CNTNAP2: variants seen among roughly 807,000 people sequenced by gnomAD.
CNTNAP2 encodes the protein contactin associated protein 2.
CNTNAP2 carries 98 observed loss-of-function variants against 155.2 expected under a neutral mutation model. The observed-to-expected ratio is 0.63, with a 90% CI of 0.54 to 0.75. The LOEUF (loss-of-function observed/expected upper bound fraction) is 0.75. Among genes scored for constraint, CNTNAP2 ranks in the 30% least tolerant of loss-of-function variants. The pLI is 0.00. For missense variants in CNTNAP2, 1,727 were observed against 1,688.1 expected, an observed-to-expected ratio of 1.02 and a Z score of -0.40; for synonymous variants, 651 against 631.2, an observed-to-expected ratio of 1.03 and a Z score of -0.47.
At chr7:146,339,596 A>G (rs1801338567) in intron 1 of CNTNAP2, among the ~76,000 whole-genome samples, 1 of 152,180 alleles carries the variant, frequency 6.6e-6, no homozygotes, top group African/African-American at 2.4e-5. Flanking sequence ...GGTTATACCA[A>G]GTTTTTTGTA....
intron 13 of CNTNAP2, among the ~76,000 whole-genome samples, chr7:147,658,257 A>ATC (rs1795557681): frequency 1.4e-4 from 1 of 7,148 alleles, no homozygotes; most frequent in Admixed American, 2.0e-3. Flanking sequence ...ACTCCGTCCC[A>ATC]AAAAAAAAAA....
chr7:146,475,227 G>T (rs1796860898), intron 1 of CNTNAP2, among the ~76,000 whole-genome samples: 1 of 152,140 alleles, frequency 6.6e-6, no homozygotes, highest in Non-Finnish European at 1.5e-5. Flanking sequence ...TTCTTAGCTT[G>T]CTGGGTTCAG....
intron 21 of CNTNAP2, among the ~76,000 whole-genome samples, chr7:148,328,735 C>CACTGTG (rs1387165005): frequency 6.6e-6 from 1 of 151,666 alleles, no homozygotes; most frequent in Non-Finnish European, 1.5e-5. Flanking sequence ...TGTGGGAGGC[C>CACTGTG]GAGGCGGGTG....
chr7:147,072,038 G>A lies in CNTNAP2; in HGVS notation c.550+27984G>A, dbSNP rs574360398. Among the ~76,000 whole-genome samples, 125 of 152,258 alleles carry A rather than the reference G, an allele frequency of 8.2e-4. 5 individuals are homozygous for A. In the South Asian group the frequency reaches 0.023, roughly 28 times the overall value. ...GCACCTGTACTCATCCTGGAGGATG[G>A]TAGTGCTCTCAAGGTAATAGAAGCC... On this transcript the variant is annotated intron_variant, in intron 4 of 23. Transcript: ENST00000361727.
intron 19 of CNTNAP2, among the ~76,000 whole-genome samples, chr7:148,221,601 G>T (rs1383656091): frequency 6.6e-6 from 1 of 152,140 alleles, no homozygotes; most frequent in African/African-American, 2.4e-5. Flanking sequence ...GAAAAAAAAG[G>T]AAATCATTAG....
intron 1 of CNTNAP2, among the ~76,000 whole-genome samples, chr7:146,444,866 A>G (rs1724475): frequency 0.035 from 5,374 of 151,804 alleles, 342 homozygotes; most frequent in African/African-American, 0.12. Context: ...CATGTTGGCC[A>G]GGCTGGTCTC....
At chr7:147,187,097 G>T (rs1802581768) in intron 8 of CNTNAP2, among the ~76,000 whole-genome samples, 1 of 152,154 alleles carries the variant, frequency 6.6e-6, no homozygotes, top group Admixed American at 6.6e-5. Flanking sequence ...TGTCAGTGAT[G>T]GTGAAGCTGT....
chr7:147,770,476 G>A (rs576343489), intron 13 of CNTNAP2, among the ~76,000 whole-genome samples: 5 of 152,224 alleles, frequency 3.3e-5, no homozygotes, highest in East Asian at 3.9e-4. Flanking sequence ...CGCTAATGGC[G>A]ATAAAGAGTA....
intron 1 of CNTNAP2, among the ~76,000 whole-genome samples, chr7:146,626,822 C>T (rs945445699): frequency 3.9e-5 from 6 of 152,054 alleles, no homozygotes; most frequent in African/African-American, 1.2e-4. Flanking sequence ...GTGTACTTCA[C>T]CCCATTTAAC....
chr7:146,479,433 T>C (rs774218317), intron 1 of CNTNAP2, among the ~76,000 whole-genome samples: 15 of 152,198 alleles, frequency 9.9e-5, no homozygotes, highest in Admixed American at 7.9e-4. Context: ...AATTCAGGTG[T>C]CTTTCATATT....
rs115604181 is a variant in CNTNAP2, at chr7:146,478,520, G to A, written c.98-295751G>A. 4.2e-3 allele frequency among the ~76,000 whole-genome samples: 636 copies of A among 151,958 alleles called. 9 individuals are homozygous for A. Among genetic ancestry groups the A allele is most frequent in the African/African-American group, 0.014 (595 of 41,440 alleles). ...GATCTAGGTATTAACCCCACATGTGGAAAGATAGGTTAATTTGACTAAATA... is the reference window on the plus strand; with the variant it reads ...GATCTAGGTATTAACCCCACATGTGAAAAGATAGGTTAATTTGACTAAATA... On this transcript the variant is annotated intron_variant, in intron 1 of 23. Transcript: ENST00000361727.
intron 3 of CNTNAP2, among the ~76,000 whole-genome samples, chr7:147,028,941 T>A (rs1798973445): frequency 1.3e-5 from 2 of 149,016 alleles, no homozygotes; most frequent in Admixed American, 1.3e-4. Flanking sequence ...AATAGACATA[T>A]GCAAAATAAG....
intron 1 of CNTNAP2, among the ~76,000 whole-genome samples, chr7:146,527,668 G>A (rs1797710777): frequency 6.6e-6 from 1 of 151,954 alleles, no homozygotes; most frequent in Admixed American, 6.6e-5. Context: ...CAGAATCCAT[G>A]TAGGAAATAG....
chr7:148,262,164 T>C (rs907738656), intron 20 of CNTNAP2, among the ~76,000 whole-genome samples: 1 of 152,074 alleles, frequency 6.6e-6, no homozygotes, highest in Non-Finnish European at 1.5e-5. Context: ...AGGAAGCAGG[T>C]GTCTCTAATC....
At chr7:148,112,098 A>C (rs1804364955) in intron 15 of CNTNAP2, among the ~76,000 whole-genome samples, 1 of 152,204 alleles carries the variant, frequency 6.6e-6, no homozygotes, top group Admixed American at 6.5e-5. Context: ...TCCAGGGGAC[A>C]AAAACGTGAC....
intron 14 of CNTNAP2, among the ~76,000 whole-genome samples, chr7:147,957,931 C>T (rs1801048425): frequency 6.6e-6 from 1 of 152,022 alleles, no homozygotes; most frequent in South Asian, 2.1e-4. Context: ...AAAAATTAGC[C>T]AGGTGTGGTG....
In CNTNAP2 at chr7:147,765,617, A is replaced by G. The variant is rs561698433; in HGVS notation, c.2098+126311A>G. 7.2e-5 allele frequency among the ~76,000 whole-genome samples: 11 copies of G among 152,272 alleles called. No homozygotes were observed. In the East Asian group the frequency reaches 1.9e-3, roughly 27 times the overall value. On this transcript the variant is annotated intron_variant, in intron 13 of 23. Coordinates refer to ENST00000361727, the MANE Select transcript of CNTNAP2 (RefSeq NM_014141.6). ...CAGGGTGAGAAATAGCGAGTTATAC[A>G]TCGCCGTTTGGGATGTAAAATGTTA...
rs186269462 is a variant in CNTNAP2, at chr7:147,061,295, A to T, written c.550+17241A>T. Among the ~76,000 whole-genome samples the T allele has an allele frequency of 5.4e-3, 818 of 152,364 alleles. 12 individuals are homozygous for T. Among genetic ancestry groups the T allele is most frequent in the Middle Eastern group, 0.02 (6 of 294 alleles). ...GTTTTTACCATTGTAAAATAAAATT[A>T]AAAAAATGATTAGTCAAAATTGTGA... On this transcript the variant is annotated intron_variant, in intron 4 of 23. Coordinates refer to ENST00000361727, the MANE Select transcript of CNTNAP2 (RefSeq NM_014141.6).
intron 11 of CNTNAP2, among the ~76,000 whole-genome samples, chr7:147,558,194 A>G (rs796152583): frequency 2.6e-4 from 39 of 152,274 alleles, no homozygotes; most frequent in African/African-American, 9.4e-4. Flanking sequence ...ATTTTTATGT[A>G]TTTATAAACA....
Sources: gnomAD v4.1 joint callset for allele counts (sites outside exome capture counted in the v4.1 genomes callset) on GRCh38, gnomAD v4.1.1 for gene constraint, MANE v1.5 for transcripts, NCBI Gene and HGNC (gene_info 2026-07-23, HGNC 2026-07-21) for gene names.